ERICH6B: variants seen among roughly 807,000 people sequenced by gnomAD.
ERICH6B encodes glutamate rich 6B, also known as glutamate-rich protein 6B.
Under a neutral mutation model 80.0 loss-of-function variants are expected in ERICH6B, and 69 were observed. That is an observed-to-expected ratio of 0.86 (90% CI 0.71 to 1.05). The LOEUF (loss-of-function observed/expected upper bound fraction) is 1.05, where lower values mean the gene tolerates loss of function less well. ERICH6B is among the 50% of genes least tolerant of loss of function. ERICH6B has a pLI of 0.00. For synonymous variants in ERICH6B, 283 were observed against 291.9 expected (o/e 0.97, Z 0.31); for missense variants, 754 against 796.1 (o/e 0.95, Z 0.64).
Position 45,541,414 on chromosome 13 carries a change from G to A in ERICH6B, c.*48C>T. On this transcript the variant is annotated 3_prime_UTR_variant, in exon 15 of 15. Transcript: ENST00000298738. Reference sequence around the variant, plus strand: ...GGTTTTTTTTCCCTGGAGCTCCCAAGGTCTCCAACTTCCTAAGGCATTTGG... The same window carrying A: ...GGTTTTTTTTCCCTGGAGCTCCCAAAGTCTCCAACTTCCTAAGGCATTTGG... The A allele has an allele frequency of 4.0e-6, 6 of 1,501,066 alleles. No homozygotes were observed. The highest frequency in any genetic ancestry group is 5.4e-6 in the Non-Finnish European group (6 of 1,106,444). The allele number at this position is 1,501,066 out of a possible 1,614,324, so 93.0% of individuals were successfully genotyped here. A position where few individuals can be genotyped will look rare whatever the true frequency, so the allele number is the denominator to read the frequency against.
intron 9 of ERICH6B, among the ~76,000 whole-genome samples, chr13:45,564,048 C>T (rs1165234213): frequency 1.3e-5 from 2 of 152,174 alleles, no homozygotes; most frequent in East Asian, 3.8e-4. Context: ...CCCTTCGAAA[C>T]GAATTCAACT....
intron 11 of ERICH6B, chr13:45,551,629 T>TA (rs1233008299): frequency 6.6e-6 from 1 of 152,218 alleles, no homozygotes; most frequent in Non-Finnish European, 1.5e-5. Flanking sequence ...TTAAAGCTGT[T>TA]ACGGTTTGAA....
chr13:45,542,327 G>A (rs1312598833), intron 14 of ERICH6B, among the ~76,000 whole-genome samples: 1 of 152,172 alleles, frequency 6.6e-6, no homozygotes, highest in African/African-American at 2.4e-5. Context: ...GAAGACTATG[G>A]GCTCAGACCA....
chr13:45,601,898 AG>A (rs1366224910), intron 2 of ERICH6B, among the ~76,000 whole-genome samples: 1 of 152,214 alleles, frequency 6.6e-6, no homozygotes, highest in African/African-American at 2.4e-5. Context: ...ATCTCCTGGA[AG>A]GATGCAATGA....
At chr13:45,571,916 A>G (rs1875188339) in intron 8 of ERICH6B, among the ~76,000 whole-genome samples, 1 of 152,172 alleles carries the variant, frequency 6.6e-6, no homozygotes, top group Admixed American at 6.6e-5. Context: ...CTCACAAGGA[A>G]CCAACTGTGC....
intron 2 of ERICH6B, among the ~76,000 whole-genome samples, chr13:45,604,328 A>G (rs1250472120): frequency 1.3e-5 from 2 of 152,190 alleles, no homozygotes; most frequent in Non-Finnish European, 2.9e-5. Flanking sequence ...TCTTATCTGT[A>G]TCCTCATCCA....
chr13:45,555,053 C>G (rs1403415373), intron 11 of ERICH6B, among the ~76,000 whole-genome samples: 1 of 151,950 alleles, frequency 6.6e-6, no homozygotes, highest in Non-Finnish European at 1.5e-5. Flanking sequence ...CTCTTGGCTG[C>G]AGGGAGGACA....
Position 45,541,460 on chromosome 13 carries a change from C to A in ERICH6B, c.*2G>T, listed in dbSNP as rs1161152485. On this transcript the variant is annotated 3_prime_UTR_variant, in exon 15 of 15. Transcript: ENST00000298738. ...TTTGGTGGATGCCAGATAAGCCCCG[C>A]CTTAAAACCAGAGTTTAGAGAGCAT... 4 of 1,551,602 alleles carry A rather than the reference C, an allele frequency of 2.6e-6. No homozygotes were observed. The highest frequency in any genetic ancestry group is 1.4e-5 in the African/African-American group (1 of 73,012).
At chr13:45,605,057 C>A (rs1035307378) in intron 2 of ERICH6B, among the ~76,000 whole-genome samples, 9 of 152,122 alleles carry the variant, frequency 5.9e-5, no homozygotes, top group Non-Finnish European at 1.2e-4. Flanking sequence ...AGACCCGGCC[C>A]CTGGAATCCC....
At position 45,561,450 on chromosome 13, in the gene ERICH6B, T is replaced by C. The variant is rs1280386794; in HGVS notation, c.1326A>G (p.Glu442=). The stretch of plus-strand genomic sequence containing the variant: ...CAACACGTTGAGGCTTTTGGATTTC[T>C]TCTGTCTCAGGCTTCTCAGGTGTTG... ...SKPTPEKPET[E]EIQKPQRVVH... Residue 442 remains glutamate (E), a synonymous_variant, in exon 11 of 15, where the codon GAA becomes GAG. Transcript: ENST00000298738. 6.4e-7 allele frequency: 1 copy of C among 1,552,186 alleles called. No homozygotes were observed. The highest frequency in any genetic ancestry group is 1.4e-5 in the African/African-American group (1 of 73,074).
intron 11 of ERICH6B, among the ~76,000 whole-genome samples, chr13:45,553,340 TG>T (rs1453114622): frequency 6.6e-6 from 1 of 152,128 alleles, no homozygotes; most frequent in Non-Finnish European, 1.5e-5. Flanking sequence ...GGGGCCACGG[TG>T]GGCGCTGTGG....
intron 8 of ERICH6B, among the ~76,000 whole-genome samples, chr13:45,571,601 T>C (rs1875171132): frequency 6.6e-6 from 1 of 152,230 alleles, no homozygotes; most frequent in African/African-American, 2.4e-5. Context: ...ATGGTTGAAT[T>C]GTATTTCCCT....
chr13:45,544,813 A>C lies in ERICH6B; in HGVS notation c.1819T>G (p.Cys607Gly), dbSNP rs1445352349. The change falls in exon 14 of 15, where the codon TGC becomes GGC. Residue 607 changes from cysteine to glycine, a missense_variant. Physicochemically the swap from Cys to Gly is radical, Grantham distance 159. Transcript: ENST00000298738. ...QIRSQDKIIF[C>G]FTYEQKQICL... is the part of the protein sequence containing the mutation. ...ATCTGCTTCTGTTCATAGGTGAAGCAGAAGATGATCTTATCCTGGCTCCTT... is the reference window on the plus strand; with the variant it reads ...ATCTGCTTCTGTTCATAGGTGAAGCCGAAGATGATCTTATCCTGGCTCCTT... The C allele has an allele frequency of 5.2e-6, 8 of 1,551,734 alleles. No individual in the cohort carries two copies. The South Asian group carries it at 9.5e-5, about 18-fold the overall frequency.
Position 45,605,193 on chromosome 13 carries a change from G to T in ERICH6B, c.-59+2371C>A, listed in dbSNP as rs1221638817. Among the ~76,000 whole-genome samples the T allele has an allele frequency of 3.3e-5, 5 of 152,146 alleles. No individual in the cohort carries two copies. The East Asian group carries it at 9.6e-4, about 29-fold the overall frequency. ...CATCTCTAAGGGTGGTCAGAGAGGT[G>T]CAGTGCCCCCACCTCACTCTCCAGG... is the stretch of plus-strand genomic sequence containing the variant. On this transcript the variant is annotated intron_variant, in intron 2 of 14. Coordinates refer to ENST00000298738, the MANE Select transcript of ERICH6B (RefSeq NM_182542.3).
At chr13:45,598,572 G>A (rs1340732867) in intron 2 of ERICH6B, among the ~76,000 whole-genome samples, 1 of 152,150 alleles carries the variant, frequency 6.6e-6, no homozygotes, top group East Asian at 1.9e-4. Context: ...TTTAGCAAAT[G>A]CAGCATGAGT....
intron 7 of ERICH6B, among the ~76,000 whole-genome samples, chr13:45,575,462 G>C (rs1875359185): frequency 6.6e-6 from 1 of 152,164 alleles, no homozygotes; most frequent in African/African-American, 2.4e-5. Context: ...GGAGTAGGTG[G>C]GCACGTGGTG....
At chr13:45,560,635 G>A (rs1874632427) in intron 11 of ERICH6B, among the ~76,000 whole-genome samples, 2 of 152,074 alleles carry the variant, frequency 1.3e-5, no homozygotes, top group Admixed American at 6.6e-5. Flanking sequence ...TTGCCCCCAC[G>A]CCCTAGCAAC....
chr13:45,550,971 C>T (rs1874198450), intron 11 of ERICH6B, among the ~76,000 whole-genome samples: 1 of 152,188 alleles, frequency 6.6e-6, no homozygotes, highest in South Asian at 2.1e-4. Flanking sequence ...CGACATGTCT[C>T]TTGAGGGAAC....
At chr13:45,586,481 G>A (rs1566299472) in intron 5 of ERICH6B, among the ~76,000 whole-genome samples, 1 of 152,150 alleles carries the variant, frequency 6.6e-6, no homozygotes, top group South Asian at 2.1e-4. Flanking sequence ...GGGTTTAATT[G>A]GGTAGAGAAT....
Sources: gnomAD v4.1 joint callset for allele counts (sites outside exome capture counted in the v4.1 genomes callset) on GRCh38, gnomAD v4.1.1 for gene constraint, MANE v1.5 for transcripts, NCBI Gene and HGNC (gene_info 2026-07-23, HGNC 2026-07-21) for gene names.